Variants in DCC observed in about 807,000 individuals in gnomAD.
DCC encodes DCC netrin 1 receptor, also known as netrin receptor DCC.
In DCC, 58 loss-of-function variants were observed where a neutral mutation model predicts 172.5. The ratio of observed to expected loss-of-function variants is 0.34; its 90% CI spans 0.27 to 0.42. The LOEUF (loss-of-function observed/expected upper bound fraction) is 0.42, where lower values mean the gene tolerates loss of function less well. Ranked by LOEUF, DCC falls within the 10% of genes least tolerant of loss-of-function variation. The pLI is 1.00. For missense variants in DCC, 1,740 were observed against 1,791.0 expected (o/e 0.97, Z 0.51); for synonymous variants, 709 against 644.5 (o/e 1.10, Z -1.52).
At chr18:52,400,435 C>A (rs558524980) in intron 1 of DCC, among the ~76,000 whole-genome samples, 1 of 152,092 alleles carries the variant, frequency 6.6e-6, no homozygotes, top group African/African-American at 2.4e-5. Flanking sequence ...ATTAAAAAGT[C>A]AGGAAACAAC....
intron 1 of DCC, among the ~76,000 whole-genome samples, chr18:52,598,357 G>A (rs901939384): frequency 3.3e-5 from 5 of 152,220 alleles, no homozygotes. Flanking sequence ...TCTGATGTAA[G>A]TGAGATATTA....
At chr18:52,668,893 T>C (rs1406250193) in intron 1 of DCC, among the ~76,000 whole-genome samples, 1 of 152,246 alleles carries the variant, frequency 6.6e-6, no homozygotes, top group Non-Finnish European at 1.5e-5. Flanking sequence ...CTTGTGGTCA[T>C]GGTGTAACCA....
At chr18:52,695,935 G>A (rs556367878) in intron 1 of DCC, among the ~76,000 whole-genome samples, 13 of 152,280 alleles carry the variant, frequency 8.5e-5, no homozygotes, top group African/African-American at 3.1e-4. Context: ...GTCCCAGGAA[G>A]GCTGTGGCTC....
At chr18:53,319,626 A>G (rs1308484240) in intron 13 of DCC, among the ~76,000 whole-genome samples, 1 of 152,216 alleles carries the variant, frequency 6.6e-6, no homozygotes, top group Non-Finnish European at 1.5e-5. Context: ...TACTAAGAAA[A>G]GTATTGCAAG....
intron 1 of DCC, among the ~76,000 whole-genome samples, chr18:52,598,735 A>C (rs1568248439): frequency 6.6e-6 from 1 of 152,348 alleles, no homozygotes; most frequent in East Asian, 1.9e-4. Context: ...CTATAACAAA[A>C]TACCTAAGAC....
At chr18:53,167,868 A>G (rs949846920) in intron 8 of DCC, among the ~76,000 whole-genome samples, 4 of 152,202 alleles carry the variant, frequency 2.6e-5, no homozygotes, top group Non-Finnish European at 4.4e-5. Context: ...TCAGCTAAAC[A>G]TTTCCTTTGA....
At chr18:52,569,720 G>C (rs376986535) in intron 1 of DCC, among the ~76,000 whole-genome samples, 3 of 152,170 alleles carry the variant, frequency 2.0e-5, no homozygotes, top group Non-Finnish European at 4.4e-5. Flanking sequence ...AAAATGTGAT[G>C]ACTGAGTAAG....
chr18:52,516,578 C>T (rs182812746), intron 1 of DCC, among the ~76,000 whole-genome samples: 24 of 152,002 alleles, frequency 1.6e-4, no homozygotes, highest in African/African-American at 4.3e-4. Context: ...AACAAAAATA[C>T]GTTAAATAAA....
intron 1 of DCC, among the ~76,000 whole-genome samples, chr18:52,346,436 C>T (rs2144231911): frequency 6.6e-6 from 1 of 152,270 alleles, no homozygotes; most frequent in African/African-American, 2.4e-5. Context: ...TATTATAGTG[C>T]TCCAAAGTTA....
intron 12 of DCC, among the ~76,000 whole-genome samples, chr18:53,251,150 C>T (rs567461669): frequency 8.3e-4 from 126 of 152,000 alleles, no homozygotes; most frequent in Admixed American, 7.2e-4. Flanking sequence ...AATCTATCAT[C>T]GGCTCCCCCC....
chr18:52,788,646 A>T (rs981691345), intron 2 of DCC, among the ~76,000 whole-genome samples: 2 of 152,194 alleles, frequency 1.3e-5, no homozygotes, highest in Non-Finnish European at 2.9e-5. Context: ...CGCATAACAC[A>T]TATATAGCAA....
intron 1 of DCC, among the ~76,000 whole-genome samples, chr18:52,524,890 ATT>A (rs34077835): frequency 6.6e-6 from 1 of 151,520 alleles, no homozygotes; most frequent in Non-Finnish European, 1.5e-5. Context: ...AGGTTTTTAG[ATT>A]TTTTTTTATT....
chr18:52,685,006 T>G (rs550840654), intron 1 of DCC, among the ~76,000 whole-genome samples: 118 of 152,162 alleles, frequency 7.8e-4, no homozygotes, highest in Non-Finnish European at 6.6e-4. Context: ...TTTTTACCAC[T>G]ATGCAGATGC....
At chr18:53,170,474 T>G (rs1348611760) in intron 8 of DCC, among the ~76,000 whole-genome samples, 1 of 152,342 alleles carries the variant, frequency 6.6e-6, no homozygotes, top group African/African-American at 2.4e-5. Flanking sequence ...GAAACCTATC[T>G]ATGTAGCTTT....
chr18:52,829,833 AATAAG>A (rs888783588), intron 2 of DCC, among the ~76,000 whole-genome samples: 2 of 152,166 alleles, frequency 1.3e-5, no homozygotes, highest in African/African-American at 4.8e-5. Flanking sequence ...CCAGGTGTTA[AATAAG>A]ATAAGCAATT....
At chr18:52,702,129 T>C (rs1360465806) in intron 1 of DCC, among the ~76,000 whole-genome samples, 1 of 152,170 alleles carries the variant, frequency 6.6e-6, no homozygotes, top group Non-Finnish European at 1.5e-5. Flanking sequence ...AACTATGAAA[T>C]GTTTCATACA....
At position 53,104,761 on chromosome 18, in the gene DCC, T is replaced by C. The variant is rs1187278303; in HGVS notation, c.1261+38595T>C. ...ATGAGTAAGCTGCAGAGTTTGGCCT[T>C]GAACTTTCCCTTCTGACTTCTGGTT... On this transcript the variant is annotated intron_variant, in intron 7 of 28. Transcript: ENST00000442544. Among the ~76,000 whole-genome samples, 3 of 152,068 alleles carry C rather than the reference T, an allele frequency of 2.0e-5. No individual in the cohort carries two copies. In the East Asian group the frequency reaches 5.8e-4, roughly 30 times the overall value.
chr18:52,655,411 A>G (rs1391743703), intron 1 of DCC, among the ~76,000 whole-genome samples: 2 of 151,854 alleles, frequency 1.3e-5, no homozygotes, highest in African/African-American at 4.9e-5. Context: ...CTTTGAAACA[A>G]AAAGAGATTA....
intron 7 of DCC, among the ~76,000 whole-genome samples, chr18:53,095,874 A>G (rs1445659632): frequency 6.8e-6 from 1 of 147,820 alleles, no homozygotes; most frequent in Non-Finnish European, 1.5e-5. Flanking sequence ...GTGTGCATAC[A>G]GAGTAGGCAG....
Sources: allele counts gnomAD v4.1 joint callset (sites outside exome capture counted in the v4.1 genomes callset), GRCh38; gene constraint gnomAD v4.1.1; transcripts MANE v1.5; gene names NCBI Gene and HGNC (gene_info 2026-07-23, HGNC 2026-07-21).